Variants in HDAC4 observed in about 807,000 individuals in gnomAD.
HDAC4 encodes the protein histone deacetylase 4.
HDAC4 carries 16 observed loss-of-function variants against 135.1 expected under a neutral mutation model. The ratio of observed to expected loss-of-function variants is 0.12; its 90% confidence interval spans 0.08 to 0.18. The LOEUF (loss-of-function observed/expected upper bound fraction) is 0.18. HDAC4 is among the 10% of genes least tolerant of loss of function. The pLI is 1.00. For synonymous variants in HDAC4, 685 were observed against 653.4 expected, an observed-to-expected ratio of 1.05 and a Z score of -0.74; for missense variants, 1,143 against 1,511.8, an observed-to-expected ratio of 0.76 and a Z score of 4.05.
rs541272894 is a variant in HDAC4, at chr2:239,111,006, G to A, written c.1978+520C>T. Among the ~76,000 whole-genome samples the A allele has an allele frequency of 7.9e-5, 12 of 152,348 alleles. No individual in the cohort carries two copies. In the East Asian group the frequency reaches 2.3e-3, roughly 29 times the overall value. On this transcript the variant is annotated intron_variant, in intron 14 of 26. Coordinates refer to ENST00000543185, the MANE Select transcript of HDAC4 (RefSeq NM_001378414.1). The stretch of plus-strand genomic sequence containing the variant: ...TGGCAGATCGCCTCCCCGGGGTGAG[G>A]ATGGTATGAGGGATGGCACAGACAG...
intron 2 of HDAC4, among the ~76,000 whole-genome samples, chr2:239,345,600 C>T (rs1692566386): frequency 6.6e-6 from 1 of 151,182 alleles, no homozygotes; most frequent in African/African-American, 2.4e-5. Flanking sequence ...CTAACACACA[C>T]ATACACACAC....
chr2:239,168,811 C>T lies in HDAC4; in HGVS notation c.491-4888G>A, dbSNP rs756163033. The stretch of plus-strand genomic sequence containing the variant: ...GACCACACTCTGAGGGCTGCAGAGC[C>T]GACACAAGCTTGCCAAGTACCCAAC... On this transcript the variant is annotated intron_variant, in intron 5 of 26. Coordinates refer to ENST00000543185, the MANE Select transcript of HDAC4 (RefSeq NM_001378414.1). 1.2e-4 allele frequency among the ~76,000 whole-genome samples: 19 copies of T among 152,294 alleles called. 1 individual carries two copies. Among genetic ancestry groups the T allele is most frequent in the Non-Finnish European group, 2.9e-5 (2 of 68,032 alleles).
At chr2:239,160,713 G>A (rs1043931194) in intron 6 of HDAC4, among the ~76,000 whole-genome samples, 8 of 152,270 alleles carry the variant, frequency 5.3e-5, no homozygotes, top group Admixed American at 5.2e-4. Context: ...AGGGGCCCCA[G>A]TTTGCGCGGC....
chr2:239,081,029 T>G (rs2035265957), intron 22 of HDAC4, 66 bp downstream of exon 22: 25 of 1,256,722 alleles, frequency 2.0e-5, no homozygotes, highest in Non-Finnish European at 2.9e-5. Context: ...CAACAAGTGC[T>G]TCCTGGAATG....
At chr2:239,202,186 C>A (rs548977287) in intron 3 of HDAC4, among the ~76,000 whole-genome samples, 2 of 152,298 alleles carry the variant, frequency 1.3e-5, no homozygotes, top group East Asian at 1.9e-4. Context: ...GGGACACTGG[C>A]GTAAGATGGG....
At position 239,052,992 on chromosome 2, in the gene HDAC4, C is replaced by T; in HGVS notation, c.*105G>A. 7.1e-7 allele frequency: 1 copy of T among 1,402,568 alleles called. No homozygotes were observed. 86.9% of individuals were successfully genotyped at this position (1,402,568 alleles called of 1,614,324 possible). On this transcript the variant is annotated 3_prime_UTR_variant, in exon 27 of 27. Coordinates refer to ENST00000543185, the MANE Select transcript of HDAC4 (RefSeq NM_001378414.1). ...TGCACGCTGGGTGTCCCTGGGTGCT[C>T]CAAGAGAGCCCCACGGTGGGACGCA...
intron 3 of HDAC4, among the ~76,000 whole-genome samples, chr2:239,197,529 C>T (rs2045471861): frequency 6.6e-6 from 1 of 152,176 alleles, no homozygotes; most frequent in Non-Finnish European, 1.5e-5. Flanking sequence ...TCCCCTTTCC[C>T]ATTCTCTCCT....
intron 2 of HDAC4, among the ~76,000 whole-genome samples, chr2:239,345,676 C>G (rs371205061): frequency 1.3e-5 from 2 of 151,568 alleles, no homozygotes; most frequent in African/African-American, 4.9e-5. Context: ...CTCCCTAAAA[C>G]ACACACACCC....
chr2:239,169,560 C>T (rs962953438), intron 5 of HDAC4, among the ~76,000 whole-genome samples: 2 of 152,248 alleles, frequency 1.3e-5, no homozygotes, highest in Non-Finnish European at 2.9e-5. Context: ...CCAGAGGGCT[C>T]AGCTGCGCTC....
chr2:239,201,143 C>G (rs2045731420), intron 3 of HDAC4, among the ~76,000 whole-genome samples: 1 of 152,112 alleles, frequency 6.6e-6, no homozygotes, highest in South Asian at 2.1e-4. Context: ...AGTGACTTGC[C>G]CAGGGCCACA....
chr2:239,069,454 T>G (rs1210513967), intron 22 of HDAC4, among the ~76,000 whole-genome samples: 28 of 71,338 alleles, frequency 3.9e-4, no homozygotes, highest in Admixed American at 6.3e-4. Flanking sequence ...TTAGTGAGAG[T>G]GAGTCACGGT....
intron 2 of HDAC4, among the ~76,000 whole-genome samples, chr2:239,267,594 G>A (rs1014139051): frequency 6.6e-6 from 1 of 152,282 alleles, no homozygotes; most frequent in Non-Finnish European, 1.5e-5. Context: ...TTAAACCACA[G>A]CTCCGTGACA....
intron 3 of HDAC4, among the ~76,000 whole-genome samples, chr2:239,232,011 T>C (rs147214446): frequency 3.6e-3 from 131 of 36,070 alleles, no homozygotes; most frequent in Middle Eastern, 0.02. Context: ...CTGTCCTCAA[T>C]CGAGGCTGCT....
intron 1 of HDAC4, among the ~76,000 whole-genome samples, chr2:239,355,514 C>A (rs1260208348): frequency 6.6e-6 from 1 of 152,208 alleles, no homozygotes; most frequent in Non-Finnish European, 1.5e-5. Flanking sequence ...CTCACTCGGC[C>A]TAGTCCCTCC....
intron 1 of HDAC4, among the ~76,000 whole-genome samples, chr2:239,364,640 C>T (rs1694066502): frequency 6.6e-6 from 1 of 152,196 alleles, no homozygotes; most frequent in African/African-American, 2.4e-5. Context: ...ACCCGCATAT[C>T]CCTCCTGGCT....
At chr2:239,368,436 G>T (rs1329259015) in intron 1 of HDAC4, among the ~76,000 whole-genome samples, 2 of 152,202 alleles carry the variant, frequency 1.3e-5, no homozygotes, top group Non-Finnish European at 2.9e-5. Context: ...TCTTCACGTG[G>T]AGGGGGTCTC....
At chr2:239,223,301 A>C (rs2047065968) in intron 3 of HDAC4, among the ~76,000 whole-genome samples, 1 of 152,222 alleles carries the variant, frequency 6.6e-6, no homozygotes, top group Non-Finnish European at 1.5e-5. Context: ...ACGAGGCCTG[A>C]AGGAGGTAGC....
chr2:239,079,211 C>T (rs28502313), intron 22 of HDAC4, among the ~76,000 whole-genome samples: 6 of 152,178 alleles, frequency 3.9e-5, no homozygotes, highest in South Asian at 4.1e-4. Flanking sequence ...CATTGGGGGA[C>T]GTCCTTCTCT....
At chr2:239,310,211 G>A (rs1006142476) in intron 2 of HDAC4, among the ~76,000 whole-genome samples, 19 of 152,202 alleles carry the variant, frequency 1.2e-4, no homozygotes, top group African/African-American at 4.6e-4. Flanking sequence ...ATTATATACA[G>A]AATTGCCAAA....
Sources: allele counts gnomAD v4.1 joint callset (sites outside exome capture counted in the v4.1 genomes callset), GRCh38; gene constraint gnomAD v4.1.1; transcripts MANE v1.5; gene names NCBI Gene and HGNC (gene_info 2026-07-23, HGNC 2026-07-21).